Variants in DNAJC11 observed in about 807,000 individuals in gnomAD.
DNAJC11 encodes dnaJ homolog subfamily C member 11.
A neutral mutation model predicts 78.6 loss-of-function variants in DNAJC11; 15 were observed. The observed-to-expected ratio is 0.19, with a 90% CI of 0.13 to 0.29. The LOEUF (loss-of-function observed/expected upper bound fraction) is 0.29. Ranked by LOEUF, DNAJC11 falls within the 10% of genes least tolerant of loss-of-function variation. The pLI, the probability that DNAJC11 is intolerant of heterozygous loss-of-function variation, is 1.00. For missense variants in DNAJC11, 547 were observed against 709.6 expected, an observed-to-expected ratio of 0.77 and a Z score of 2.60; for synonymous variants, 292 against 272.1, an observed-to-expected ratio of 1.07 and a Z score of -0.72.
rs1641946956 is a variant in DNAJC11, at chr1:6,645,205, G to A, written c.895-79C>T. 1.1e-5 allele frequency: 13 copies of A among 1,140,538 alleles called. No homozygotes were observed. The South Asian group carries it at 1.4e-4, about 12-fold the overall frequency. 70.7% of individuals were successfully genotyped at this position (1,140,538 alleles called of 1,614,324 possible). A position where few individuals can be genotyped will look rare whatever the true frequency, so the allele number is the denominator to read the frequency against. The stretch of plus-strand genomic sequence containing the variant: ...GAGATGGGTATCTGCCCTCCCACTA[G>A]CTCTGGGCATCTGCTGCACACAGGC... On this transcript the variant is annotated intron_variant, in intron 8 of 15. Coordinates refer to ENST00000377577, the MANE Select transcript of DNAJC11 (RefSeq NM_018198.4). The surrounding 1 kb of genome is among the most constrained non-coding windows in gnomAD (Gnocchi z 4.1).
intron 7 of DNAJC11, among the ~76,000 whole-genome samples, chr1:6,646,901 A>ACC (rs1641974256): frequency 6.6e-6 from 1 of 151,900 alleles, no homozygotes; most frequent in Non-Finnish European, 1.5e-5. Context: ...CACACCTGTA[A>ACC]CCCCAGCACT....
intron 3 of DNAJC11, among the ~76,000 whole-genome samples, chr1:6,677,844 C>T (rs903630523): frequency 2.0e-5 from 3 of 152,206 alleles, no homozygotes; most frequent in African/African-American, 7.2e-5. Context: ...TCACTCATCA[C>T]ATTTGACAAA....
chr1:6,677,158 C>CAAAAAAA (rs1181692411), intron 3 of DNAJC11, among the ~76,000 whole-genome samples: 8 of 49,468 alleles, frequency 1.6e-4, no homozygotes, highest in Non-Finnish European at 1.6e-4. Context: ...AACTTGGTCT[C>CAAAAAAA]AAAAAAAAAA....
chr1:6,651,317 G>A (rs966776215), intron 7 of DNAJC11: 4 of 651,838 alleles, frequency 6.1e-6, no homozygotes, highest in Non-Finnish European at 1.1e-5. Context: ...CCTGGCCAGG[G>A]CTGGGACAAG....
intron 14 of DNAJC11, 41 bp from the exon 15 acceptor site, chr1:6,636,287 C>CT: frequency 6.2e-7 from 1 of 1,608,986 alleles, no homozygotes; most frequent in Non-Finnish European, 8.5e-7. Flanking sequence ...TCCAGACGGT[C>CT]TAAGACCAGC....
chr1:6,660,488 A>G (rs1642191418), intron 4 of DNAJC11, among the ~76,000 whole-genome samples: 1 of 143,312 alleles, frequency 7.0e-6, no homozygotes, highest in South Asian at 2.2e-4. Context: ...CATTTACTGC[A>G]GCTTCTCTGT....
intron 7 of DNAJC11, among the ~76,000 whole-genome samples, chr1:6,647,003 CA>C: frequency 6.6e-6 from 1 of 150,636 alleles, no homozygotes. Context: ...AAAAAAGACA[CA>C]AAATTAGCCA....
At chr1:6,685,840 G>A (rs1365861794) in intron 1 of DNAJC11, among the ~76,000 whole-genome samples, 1 of 152,126 alleles carries the variant, frequency 6.6e-6, no homozygotes, top group African/African-American at 2.4e-5. Flanking sequence ...TCATTGTTCT[G>A]ATGTTTAATG....
chr1:6,653,821 C>T lies in DNAJC11; in HGVS notation c.507+90G>A. 1.3e-6 allele frequency: 2 copies of T among 1,506,186 alleles called. No individual in the cohort carries two copies. Among genetic ancestry groups the T allele is most frequent in the African/African-American group, 1.4e-5 (1 of 71,862 alleles). 93.3% of individuals were successfully genotyped at this position (1,506,186 alleles called of 1,614,324 possible). A position where few individuals can be genotyped will look rare whatever the true frequency, so the allele number is the denominator to read the frequency against. On this transcript the variant is annotated intron_variant, in intron 5 of 15. Coordinates refer to ENST00000377577, the MANE Select transcript of DNAJC11 (RefSeq NM_018198.4). The surrounding 1 kb of genome is among the most constrained non-coding windows in gnomAD (Gnocchi z 4.5). ...TTCATAAATAAAGATGAGAAAAACC[C>T]TGGGCAGACTCTCATTCCAGCTGCT...
intron 1 of DNAJC11, among the ~76,000 whole-genome samples, chr1:6,701,487 T>C (rs1203270243): frequency 1.3e-5 from 2 of 152,194 alleles, no homozygotes; most frequent in East Asian, 1.9e-4. Flanking sequence ...CCGGACACAG[T>C]GCACGCGGCG....
intron 1 of DNAJC11, among the ~76,000 whole-genome samples, chr1:6,686,583 A>C (rs1245409201): frequency 6.6e-6 from 1 of 152,178 alleles, no homozygotes; most frequent in African/African-American, 2.4e-5. Context: ...TTGGACCTAG[A>C]AGTGACACAC....
At chr1:6,695,094 C>A (rs979158116) in intron 1 of DNAJC11, among the ~76,000 whole-genome samples, 1 of 149,834 alleles carries the variant, frequency 6.7e-6, no homozygotes, top group African/African-American at 2.5e-5. Context: ...TGCAATGAGC[C>A]GAGATTGTGC....
chr1:6,671,567 T>C (rs1190461673), intron 3 of DNAJC11, among the ~76,000 whole-genome samples: 1 of 148,118 alleles, frequency 6.8e-6, no homozygotes, highest in East Asian at 2.0e-4. Flanking sequence ...AGTCTCACTC[T>C]GTCATCCAGG....
At chr1:6,652,305 G>A (rs1226206961) in intron 6 of DNAJC11, among the ~76,000 whole-genome samples, 1 of 152,160 alleles carries the variant, frequency 6.6e-6, no homozygotes, top group African/African-American at 2.4e-5. Flanking sequence ...TTGCTCAAAG[G>A]GAACAAACAC....
intron 1 of DNAJC11, among the ~76,000 whole-genome samples, chr1:6,689,557 G>A (rs1570313015): frequency 1.3e-5 from 2 of 152,246 alleles, no homozygotes; most frequent in East Asian, 3.9e-4. Context: ...GGATGCTGAG[G>A]CGAGCAGATC....
chr1:6,695,496 T>C (rs1420622495), intron 1 of DNAJC11, among the ~76,000 whole-genome samples: 1 of 151,736 alleles, frequency 6.6e-6, no homozygotes, highest in Non-Finnish European at 1.5e-5. Context: ...CATTCTAACA[T>C]TAAAGAAACT....
chr1:6,634,377 T>C lies in DNAJC11; in HGVS notation c.*1298A>G. The C allele has an allele frequency of 2.6e-6, 3 of 1,165,462 alleles. No individual in the cohort carries two copies. Among genetic ancestry groups the C allele is most frequent in the African/African-American group, 1.6e-5 (1 of 64,024 alleles). 72.2% of individuals were successfully genotyped at this position (1,165,462 alleles called of 1,614,324 possible). On this transcript the variant is annotated 3_prime_UTR_variant, in exon 16 of 16. Coordinates refer to ENST00000377577, the MANE Select transcript of DNAJC11 (RefSeq NM_018198.4). The stretch of plus-strand genomic sequence containing the variant: ...AAAATGGAGATGAATGTTACAGAAT[T>C]GGACAACCCGAACTGCTTTTCAAAA...
rs1050160157 is a variant in DNAJC11, at chr1:6,658,756, T to A, written c.379-4717A>T. Among the ~76,000 whole-genome samples the A allele has an allele frequency of 7.9e-5, 12 of 152,116 alleles. No individual in the cohort carries two copies. In the South Asian group the frequency reaches 8.3e-4, roughly 11 times the overall value. ...TAGGCCTATTTTTAAATTAGTAGAG[T>A]TCTTGTGTCCGTAAACCTCAGCTGC... On this transcript the variant is annotated intron_variant, in intron 4 of 15. Transcript: ENST00000377577.
At position 6,667,822 on chromosome 1, in the gene DNAJC11, A is replaced by C; in HGVS notation, c.277-12T>G. The C allele has an allele frequency of 6.2e-7, 1 of 1,612,342 alleles. No individual in the cohort carries two copies. Among genetic ancestry groups the C allele is most frequent in the Non-Finnish European group, 8.5e-7 (1 of 1,179,008 alleles). On this transcript the variant is annotated splice_polypyrimidine_tract_variant and intron_variant, in intron 3 of 15. Transcript: ENST00000377577. ...CTCCTTTCCACAACCTATGCACAGA[A>C]TCAAGATGGGAAGACAGTTGAGGAC...
Sources: allele counts gnomAD v4.1 joint callset (sites outside exome capture counted in the v4.1 genomes callset), GRCh38; gene constraint gnomAD v4.1.1; non-coding constraint Gnocchi (gnomAD v3.1); transcripts MANE v1.5; gene names NCBI Gene and HGNC (gene_info 2026-07-23, HGNC 2026-07-21).